MEGF11: variants seen among roughly 807,000 people sequenced by gnomAD.
MEGF11 encodes the protein multiple epidermal growth factor-like domains protein 11.
Under a neutral mutation model 146.6 loss-of-function variants are expected in MEGF11, and 126 were observed. That is an observed-to-expected ratio of 0.86 (90% CI 0.74 to 1.00). The LOEUF (loss-of-function observed/expected upper bound fraction) is 1.00. Ranked by LOEUF, MEGF11 falls within the 50% of genes least tolerant of loss-of-function variation. The pLI, the probability that MEGF11 is intolerant of heterozygous loss-of-function variation, is 0.00. For synonymous variants in MEGF11, 532 were observed against 583.4 expected, an observed-to-expected ratio of 0.91 and a Z score of 1.27; for missense variants, 1,509 against 1,521.2, an observed-to-expected ratio of 0.99 and a Z score of 0.13.
In MEGF11 at chr15:66,074,174, G is replaced by A. The variant is rs149327745; in HGVS notation, c.394+20228C>T. Among the ~76,000 whole-genome samples, 29 of 152,180 alleles carry A rather than the reference G, an allele frequency of 1.9e-4. No homozygotes were observed. In the East Asian group the frequency reaches 5.0e-3, roughly 26 times the overall value. ...CTGGTTTGATGTGGATCCTTTCTAT[G>A]CCTGTATTTGTATTTTTATTACATA... is the stretch of plus-strand genomic sequence containing the variant. On this transcript the variant is annotated intron_variant, in intron 5 of 25. Transcript: ENST00000395614.
At chr15:65,917,045 A>T (rs2079024353) in intron 16 of MEGF11, 89 bp from the exon 17 acceptor site, 2 of 1,315,286 alleles carry the variant, frequency 1.5e-6, no homozygotes, top group Admixed American at 6.5e-5. Flanking sequence ...TGTCAGAGCC[A>T]AGATGCCAAG....
chr15:66,194,375 G>A (rs2090956369), intron 1 of MEGF11, among the ~76,000 whole-genome samples: 1 of 152,182 alleles, frequency 6.6e-6, no homozygotes, highest in South Asian at 2.1e-4. Flanking sequence ...TTGGGAGGCT[G>A]AGGTGGGTGG....
intron 5 of MEGF11, among the ~76,000 whole-genome samples, chr15:66,072,270 C>T (rs1216615139): frequency 3.3e-5 from 5 of 152,176 alleles, no homozygotes; most frequent in African/African-American, 1.2e-4. Flanking sequence ...TGAGGGCTGA[C>T]GAACACAAAG....
At chr15:66,032,801 A>G (rs1052846583) in intron 5 of MEGF11, among the ~76,000 whole-genome samples, 4 of 152,250 alleles carry the variant, frequency 2.6e-5, no homozygotes, top group Non-Finnish European at 2.9e-5. Context: ...AAAGTAAGAT[A>G]GGAAAGACAG....
intron 19 of MEGF11, among the ~76,000 whole-genome samples, chr15:65,914,701 A>C (rs1006597288): frequency 6.6e-6 from 1 of 152,176 alleles, no homozygotes; most frequent in African/African-American, 2.4e-5. Flanking sequence ...ATCACTAGGG[A>C]GGTAAATGTG....
At chr15:65,988,099 C>T (rs113307673) in intron 5 of MEGF11, among the ~76,000 whole-genome samples, 7,111 of 150,800 alleles carry the variant, frequency 0.047, 271 homozygotes, top group Non-Finnish European at 0.069. Flanking sequence ...CTTCTGTGTC[C>T]CAGGTTCAAG....
At chr15:66,096,801 G>A (rs906276891) in intron 4 of MEGF11, among the ~76,000 whole-genome samples, 9 of 152,218 alleles carry the variant, frequency 5.9e-5, no homozygotes, top group African/African-American at 2.2e-4. Context: ...CCTACCACCT[G>A]TGCCTTCTCC....
At chr15:65,923,000 G>A (rs376679764) in intron 13 of MEGF11, 31 bp from the exon 14 acceptor site, 42 of 1,606,012 alleles carry the variant, frequency 2.6e-5, no homozygotes, top group Non-Finnish European at 3.4e-5. Flanking sequence ...CGGGTCAGTG[G>A]TAAGAGAGGT....
chr15:66,050,179 C>T (rs541970189), intron 5 of MEGF11, among the ~76,000 whole-genome samples: 1 of 152,340 alleles, frequency 6.6e-6, no homozygotes, highest in South Asian at 2.1e-4. Context: ...CCTGTCTCAG[C>T]CTCCCGAGTA....
intron 7 of MEGF11, among the ~76,000 whole-genome samples, chr15:65,977,022 A>G (rs2081472258): frequency 6.6e-6 from 1 of 151,980 alleles, no homozygotes; most frequent in Non-Finnish European, 1.5e-5. Context: ...ACAAAAAGTT[A>G]GCCGGGCGTG....
At chr15:66,158,037 T>C (rs976972050) in intron 1 of MEGF11, among the ~76,000 whole-genome samples, 4 of 152,240 alleles carry the variant, frequency 2.6e-5, no homozygotes, top group Non-Finnish European at 4.4e-5. Flanking sequence ...GGGTGAGACA[T>C]AGCTTTTCCC....
chr15:66,108,543 C>G (rs1361055553), intron 4 of MEGF11, among the ~76,000 whole-genome samples: 1 of 152,226 alleles, frequency 6.6e-6, no homozygotes, highest in South Asian at 2.1e-4. Flanking sequence ...GCCGCCATTG[C>G]AGACGGGGCG....
At chr15:66,082,448 AAAAAAAAAAAAAAAAAAAATCTATCT>A (rs2085903371) in intron 5 of MEGF11, among the ~76,000 whole-genome samples, 1 of 113,338 alleles carries the variant, frequency 8.8e-6, no homozygotes, top group African/African-American at 3.8e-5. Context: ...AAAAAAAAAA[AAAAAAAAAAAAAAAAAAAATCTATCT>A]ATCTATCTAT....
chr15:65,945,291 G>T (rs1016317383), intron 10 of MEGF11, among the ~76,000 whole-genome samples: 1 of 152,200 alleles, frequency 6.6e-6, no homozygotes, highest in African/African-American at 2.4e-5. Flanking sequence ...CAGAACACGG[G>T]CCTGGAATGT....
rs147968973 is a variant in MEGF11 at position 66,135,573 on chromosome 15, G to A, written c.-8-7162C>T. 2.0e-5 allele frequency among the ~76,000 whole-genome samples: 3 copies of A among 152,246 alleles called. No individual in the cohort carries two copies. The East Asian group carries it at 5.8e-4, about 29-fold the overall frequency. ...GAGGCCTCTCCCTGCAGGAAGCCTC[G>A]GGCCAGTGTGATGGGAAATCAGAGG... On this transcript the variant is annotated intron_variant, in intron 1 of 25. Coordinates refer to ENST00000395614, the MANE Select transcript of MEGF11 (RefSeq NM_001385028.1).
At chr15:66,076,689 C>T (rs1227520329) in intron 5 of MEGF11, among the ~76,000 whole-genome samples, 1 of 152,166 alleles carries the variant, frequency 6.6e-6, no homozygotes, top group Non-Finnish European at 1.5e-5. Flanking sequence ...AGGATATCTC[C>T]CTGGCTGCAC....
chr15:66,042,157 C>T (rs911670605), intron 5 of MEGF11, among the ~76,000 whole-genome samples: 4 of 149,242 alleles, frequency 2.7e-5, no homozygotes, highest in African/African-American at 9.9e-5. Flanking sequence ...ATCACCCAGG[C>T]TGGAGTGCAG....
chr15:66,212,938 A>G (rs1466434), intron 1 of MEGF11, among the ~76,000 whole-genome samples: 53,970 of 152,180 alleles, frequency 0.35, 13,067 homozygotes, highest in African/African-American at 0.7. Context: ...GGACCAAGCT[A>G]TGTGAATGGG....
intron 1 of MEGF11, among the ~76,000 whole-genome samples, chr15:66,220,881 C>G (rs935182992): frequency 1.3e-5 from 2 of 151,938 alleles, no homozygotes; most frequent in African/African-American, 4.8e-5. Context: ...TGATTGTGGT[C>G]GTGGTTACAT....
Sources: gnomAD v4.1 joint callset for allele counts (sites outside exome capture counted in the v4.1 genomes callset) on GRCh38, gnomAD v4.1.1 for gene constraint, MANE v1.5 for transcripts, NCBI Gene and HGNC (gene_info 2026-07-23, HGNC 2026-07-21) for gene names.